UNC5C: variants seen among roughly 807,000 people sequenced by gnomAD.
UNC5C encodes the protein unc-5 netrin receptor C.
UNC5C carries 47 observed loss-of-function variants against 99.8 expected under a neutral mutation model. The ratio of observed to expected loss-of-function variants is 0.47; its 90% CI spans 0.37 to 0.60. The LOEUF (loss-of-function observed/expected upper bound fraction) is 0.60. UNC5C is among the 20% of genes least tolerant of loss of function. The pLI, the probability that UNC5C is intolerant of heterozygous loss-of-function variation, is 0.00. For synonymous variants in UNC5C, 487 were observed against 452.2 expected (o/e 1.08, Z -0.98); for missense variants, 1,062 against 1,165.9 (o/e 0.91, Z 1.30).
At chr4:95,479,687 T>C (rs1393128801) in intron 1 of UNC5C, among the ~76,000 whole-genome samples, 1 of 151,896 alleles carries the variant, frequency 6.6e-6, no homozygotes, top group East Asian at 1.9e-4. Flanking sequence ...AGTGAACATA[T>C]ATTTTTTAAC....
At chr4:95,459,418 A>G (rs932248568) in intron 1 of UNC5C, among the ~76,000 whole-genome samples, 3 of 152,274 alleles carry the variant, frequency 2.0e-5, no homozygotes, top group East Asian at 3.9e-4. Flanking sequence ...AAGTCTCTAA[A>G]GGCCCATTAA....
chr4:95,214,505 A>T (rs1738180282), intron 10 of UNC5C, among the ~76,000 whole-genome samples: 1 of 152,240 alleles, frequency 6.6e-6, no homozygotes, highest in South Asian at 2.1e-4. Flanking sequence ...TCTTTCTTTC[A>T]TCTAAAATGT....
At chr4:95,332,677 T>G (rs1217581701) in intron 2 of UNC5C, among the ~76,000 whole-genome samples, 1 of 149,392 alleles carries the variant, frequency 6.7e-6, no homozygotes, top group Non-Finnish European at 1.5e-5. Flanking sequence ...ACTTCATGTC[T>G]AAAACACCAA....
chr4:95,339,158 G>A (rs529849920), intron 1 of UNC5C, among the ~76,000 whole-genome samples: 1 of 152,172 alleles, frequency 6.6e-6, no homozygotes, highest in South Asian at 2.1e-4. Flanking sequence ...AAACACAATT[G>A]TTCAGACTGA....
chr4:95,348,886 T>C (rs1007304026), intron 1 of UNC5C, among the ~76,000 whole-genome samples: 2 of 150,908 alleles, frequency 1.3e-5, no homozygotes, highest in African/African-American at 4.9e-5. Flanking sequence ...ACTTCACAGG[T>C]TCACACATAT....
intron 1 of UNC5C, among the ~76,000 whole-genome samples, chr4:95,352,573 C>A (rs2149430138): frequency 6.6e-6 from 1 of 152,240 alleles, no homozygotes; most frequent in Non-Finnish European, 1.5e-5. Flanking sequence ...GAAACTTTGT[C>A]CATTTTGTTC....
intron 1 of UNC5C, among the ~76,000 whole-genome samples, chr4:95,355,721 C>T (rs998119241): frequency 6.6e-6 from 1 of 152,070 alleles, no homozygotes. Context: ...TGCTAAGGGA[C>T]TCTTGGTACA....
At chr4:95,518,391 A>G (rs999706187) in intron 1 of UNC5C, among the ~76,000 whole-genome samples, 4 of 152,202 alleles carry the variant, frequency 2.6e-5, no homozygotes, top group African/African-American at 7.2e-5. Context: ...TCCATATACA[A>G]TGAGAAGATG....
At chr4:95,435,610 C>T (rs745596342) in intron 1 of UNC5C, among the ~76,000 whole-genome samples, 1 of 152,056 alleles carries the variant, frequency 6.6e-6, no homozygotes, top group Non-Finnish European at 1.5e-5. Flanking sequence ...CTTCAAACAT[C>T]TAACAGGTAT....
chr4:95,172,141 C>T (rs957831392), intron 14 of UNC5C, among the ~76,000 whole-genome samples: 5 of 147,958 alleles, frequency 3.4e-5, no homozygotes, highest in Non-Finnish European at 7.5e-5. Flanking sequence ...GGATATTAGC[C>T]CTTTGTCAGA....
At chr4:95,324,461 G>A (rs763749276) in intron 2 of UNC5C, among the ~76,000 whole-genome samples, 4 of 152,040 alleles carry the variant, frequency 2.6e-5, no homozygotes, top group Admixed American at 6.5e-5. Flanking sequence ...GAAATAAAGT[G>A]CACAATAAAT....
At position 95,166,186 on chromosome 4, in the gene UNC5C, G is replaced by A. The variant is rs533793391; in HGVS notation, c.*3048C>T. 1.3e-5 allele frequency: 2 copies of A among 152,146 alleles called. No individual in the cohort carries two copies. The highest frequency in any genetic ancestry group is 2.4e-5 in the African/African-American group (1 of 41,426). 9.4% of individuals were successfully genotyped at this position (152,146 alleles called of 1,614,324 possible). A position where few individuals can be genotyped will look rare whatever the true frequency, so the allele number is the denominator to read the frequency against. Reference sequence around the variant, plus strand: ...AAACCAGCCAAACTGCCTCTCCAGCGGTGTAGAAAGAAGCAGGATGTATCA... The same window carrying A: ...AAACCAGCCAAACTGCCTCTCCAGCAGTGTAGAAAGAAGCAGGATGTATCA... On this transcript the variant is annotated 3_prime_UTR_variant, in exon 16 of 16. Transcript: ENST00000453304.
In UNC5C at chr4:95,419,490, C is replaced by G. The variant is rs530622025; in HGVS notation, c.125-83859G>C. ...CTGGCTTTTTGAGAAAAGGTGAACA[C>G]TGAAAAGAGATTGTGTTCCCTCCAA... On this transcript the variant is annotated intron_variant, in intron 1 of 15. Transcript: ENST00000453304. 3.9e-5 allele frequency among the ~76,000 whole-genome samples: 6 copies of G among 152,234 alleles called. No individual in the cohort carries two copies. The South Asian group carries it at 1.2e-3, about 32-fold the overall frequency.
chr4:95,202,141 C>G (rs989789514), intron 12 of UNC5C, among the ~76,000 whole-genome samples: 5 of 152,192 alleles, frequency 3.3e-5, no homozygotes, highest in African/African-American at 1.2e-4. Context: ...GACTTACCTC[C>G]TCAACCTTGG....
At chr4:95,402,891 T>G (rs1401848355) in intron 1 of UNC5C, among the ~76,000 whole-genome samples, 1 of 152,232 alleles carries the variant, frequency 6.6e-6, no homozygotes, top group Non-Finnish European at 1.5e-5. Flanking sequence ...TAAGTCTCTT[T>G]GAGACATTTC....
chr4:95,181,693 G>T (rs1018782046), intron 14 of UNC5C, among the ~76,000 whole-genome samples: 3 of 152,092 alleles, frequency 2.0e-5, no homozygotes, highest in African/African-American at 7.2e-5. Context: ...CGGGGGCTGT[G>T]ACTAAAGTTG....
chr4:95,518,782 T>C (rs1469725035), intron 1 of UNC5C, among the ~76,000 whole-genome samples: 1 of 152,172 alleles, frequency 6.6e-6, no homozygotes, highest in African/African-American at 2.4e-5. Flanking sequence ...TAACATCTCT[T>C]TGATGAAGAG....
chr4:95,452,303 G>A (rs550781723), intron 1 of UNC5C, among the ~76,000 whole-genome samples: 1 of 152,136 alleles, frequency 6.6e-6, no homozygotes, highest in South Asian at 2.1e-4. Context: ...AGCAGCATGA[G>A]ATTTCCAATC....
At chr4:95,471,257 C>A (rs1053964623) in intron 1 of UNC5C, among the ~76,000 whole-genome samples, 1 of 151,986 alleles carries the variant, frequency 6.6e-6, no homozygotes, top group African/African-American at 2.4e-5. Context: ...AAATATATTA[C>A]GCTAAAAGCA....
Sources: gnomAD v4.1 joint callset for allele counts (sites outside exome capture counted in the v4.1 genomes callset) on GRCh38, gnomAD v4.1.1 for gene constraint, MANE v1.5 for transcripts, NCBI Gene and HGNC (gene_info 2026-07-23, HGNC 2026-07-21) for gene names.